RNF11: variants seen among roughly 807,000 people sequenced by gnomAD.
The protein encoded by RNF11 is ring finger protein 11.
A neutral mutation model predicts 15.8 loss-of-function variants in RNF11; 4 were observed. The ratio of observed to expected loss-of-function variants is 0.25; its 90% CI spans 0.12 to 0.58. The LOEUF (loss-of-function observed/expected upper bound fraction) is 0.58, where lower values mean the gene tolerates loss of function less well. Ranked by LOEUF, RNF11 falls within the 20% of genes least tolerant of loss-of-function variation. The pLI is 0.91. For synonymous variants in RNF11, 68 were observed against 72.3 expected, an observed-to-expected ratio of 0.94 and a Z score of 0.30; for missense variants, 139 against 194.4, an observed-to-expected ratio of 0.71 and a Z score of 1.70.
At chr1:51,269,634 A>T (rs1646969694) in intron 1 of RNF11, among the ~76,000 whole-genome samples, 1 of 152,172 alleles carries the variant, frequency 6.6e-6, no homozygotes, top group Admixed American at 6.5e-5. Context: ...AAAAAGTTTT[A>T]AAAATTATTT....
chr1:51,242,968 C>T (rs72896462), intron 1 of RNF11, among the ~76,000 whole-genome samples: 3,218 of 152,272 alleles, frequency 0.021, 95 homozygotes, highest in African/African-American at 0.065. Context: ...CTTCTTTATG[C>T]TCAAGAAGTT....
At chr1:51,265,344 CTG>C (rs1436150340) in intron 1 of RNF11, 4 of 149,966 alleles carry the variant, frequency 2.7e-5, no homozygotes, top group East Asian at 2.0e-4. Context: ...AAAAAAAAGA[CTG>C]TATCTTCTGT....
chr1:51,255,845 T>G (rs1646901974), intron 1 of RNF11, among the ~76,000 whole-genome samples: 1 of 152,352 alleles, frequency 6.6e-6, no homozygotes, highest in African/African-American at 2.4e-5. Flanking sequence ...GTCCTTAGGC[T>G]AGTACTGTAC....
chr1:51,247,046 A>T lies in RNF11; in HGVS notation c.123+10167A>T, dbSNP rs373547287. On this transcript the variant is annotated intron_variant, in intron 1 of 2. Transcript: ENST00000242719. Reference sequence around the variant, plus strand: ...GTTGATTCCTTACCAGTAACTTTTAATATTGAATTAACAAATATTTATGGT... The same window carrying T: ...GTTGATTCCTTACCAGTAACTTTTATTATTGAATTAACAAATATTTATGGT... 2.0e-4 allele frequency among the ~76,000 whole-genome samples: 31 copies of T among 152,148 alleles called. No homozygotes were observed. The East Asian group carries it at 5.4e-3, about 27-fold the overall frequency.
intron 1 of RNF11, among the ~76,000 whole-genome samples, chr1:51,238,214 C>G (rs963221807): frequency 9.2e-5 from 14 of 152,226 alleles, no homozygotes; most frequent in Admixed American, 2.6e-4. Context: ...GCTTTCATGT[C>G]TGAAGTCCCA....
chr1:51,238,162 C>T (rs1396453522), intron 1 of RNF11, among the ~76,000 whole-genome samples: 2 of 152,150 alleles, frequency 1.3e-5, no homozygotes, highest in African/African-American at 2.4e-5. Context: ...AGCCCTTCGC[C>T]CGGGTCAGCC....
intron 1 of RNF11, among the ~76,000 whole-genome samples, chr1:51,253,377 G>T (rs560659298): frequency 1.3e-3 from 201 of 152,114 alleles, no homozygotes; most frequent in South Asian, 3.9e-3. Flanking sequence ...ATATAAAAAA[G>T]TTAGGTGTGG....
At position 51,271,423 on chromosome 1, in the gene RNF11, CA is replaced by C. The variant is rs1276052330; in HGVS notation, c.*102del. The C allele has an allele frequency of 1.1e-5, 11 of 969,108 alleles. No individual in the cohort carries two copies. Among genetic ancestry groups the C allele is most frequent in the Middle Eastern group, 6.4e-4 (2 of 3,124 alleles). 60.0% of individuals were successfully genotyped at this position (969,108 alleles called of 1,614,324 possible). A position where few individuals can be genotyped will look rare whatever the true frequency, so the allele number is the denominator to read the frequency against. On this transcript the variant is annotated 3_prime_UTR_variant, in exon 3 of 3. Coordinates refer to ENST00000242719, the MANE Select transcript of RNF11 (RefSeq NM_014372.5). Reference sequence around the variant, plus strand: ...CCAGGGATTAGGAATTAAGATCGTGCACAAAAGTTTCCTTAAAATTCCTGGA... The same window carrying C: ...CCAGGGATTAGGAATTAAGATCGTGCCAAAAGTTTCCTTAAAATTCCTGGA...
intron 1 of RNF11, among the ~76,000 whole-genome samples, chr1:51,253,877 TA>T (rs1427497775): frequency 1.3e-5 from 2 of 152,120 alleles, no homozygotes. Context: ...CTCATGCCTG[TA>T]ATCCTAGCAC....
chr1:51,248,838 C>T (rs1054348962), intron 1 of RNF11, among the ~76,000 whole-genome samples: 4 of 152,116 alleles, frequency 2.6e-5, no homozygotes, highest in Non-Finnish European at 4.4e-5. Context: ...AAAAAGATAG[C>T]CTTCTGTATT....
At chr1:51,251,829 A>T (rs1005530319) in intron 1 of RNF11, among the ~76,000 whole-genome samples, 3 of 152,176 alleles carry the variant, frequency 2.0e-5, no homozygotes, top group Admixed American at 6.6e-5. Flanking sequence ...CTGTAATCTC[A>T]GCACTTTGGG....
chr1:51,236,742 C>T lies in RNF11; in HGVS notation c.-15C>T. On this transcript the variant is annotated 5_prime_UTR_variant, in exon 1 of 3. Coordinates refer to ENST00000242719, the MANE Select transcript of RNF11 (RefSeq NM_014372.5). ...GCTTTCTCCTCCCCCAGATCACGCA[C>T]CCCAGCTCCGGAAGATGGGGAACTG... 6.2e-7 allele frequency: 1 copy of T among 1,612,596 alleles called. No homozygotes were observed. The highest frequency in any genetic ancestry group is 8.5e-7 in the Non-Finnish European group (1 of 1,179,544).
At position 51,236,721 on chromosome 1, in the gene RNF11, T is replaced by C; in HGVS notation, c.-36T>C. Reference sequence around the variant, plus strand: ...TGTGCGAACGACCCCACCGCTGCTTTCTCCTCCCCCAGATCACGCACCCCA... The same window carrying C: ...TGTGCGAACGACCCCACCGCTGCTTCCTCCTCCCCCAGATCACGCACCCCA... On this transcript the variant is annotated 5_prime_UTR_variant, in exon 1 of 3. Transcript: ENST00000242719. 2 of 1,606,074 alleles carry C rather than the reference T, an allele frequency of 1.2e-6. No individual in the cohort carries two copies. The highest frequency in any genetic ancestry group is 1.7e-5 in the Admixed American group (1 of 59,092).
At chr1:51,236,940 G>C (rs1370132119) in intron 1 of RNF11, 61 bp downstream of exon 1, 1 of 1,544,744 alleles carries the variant, frequency 6.5e-7, no homozygotes, top group Non-Finnish European at 8.7e-7. Context: ...GATTGAGGGG[G>C]CTTCGGGGCC....
intron 1 of RNF11, among the ~76,000 whole-genome samples, chr1:51,242,161 A>C (rs1019495364): frequency 6.6e-6 from 1 of 152,202 alleles, no homozygotes; most frequent in Non-Finnish European, 1.5e-5. Context: ...CTGCTTTTAG[A>C]GTCAGATTGT....
chr1:51,245,823 GAAGGTAATACATA>G (rs1302483255), intron 1 of RNF11, among the ~76,000 whole-genome samples: 1 of 152,196 alleles, frequency 6.6e-6, no homozygotes, highest in African/African-American at 2.4e-5. Flanking sequence ...CTGAAGTAAG[GAAGGTAATACATA>G]AAAGACATAT....
In RNF11 at chr1:51,236,556, C is replaced by A. The variant is rs1050446948; in HGVS notation, c.-201C>A. 9.0e-6 allele frequency: 3 copies of A among 331,574 alleles called. No homozygotes were observed. Among genetic ancestry groups the A allele is most frequent in the South Asian group, 7.1e-5 (1 of 14,074 alleles). The allele number at this position is 331,574 out of a possible 1,614,324, so 20.5% of individuals were successfully genotyped here. ...CGAACGCCGCGACCCCAGCGGAGCC[C>A]GCGGCCCAGCCTTGATCCCCCAACC... On this transcript the variant is annotated 5_prime_UTR_variant, in exon 1 of 3. Transcript: ENST00000242719.
At position 51,236,414 on chromosome 1, in the gene RNF11, C is replaced by T. The variant is rs577428512; in HGVS notation, c.-343C>T. ...GGCAGCCGCGACGGCCGCGCCCCCC[C>T]CCGCTGACCTGGATTAGGCCCAGCA... On this transcript the variant is annotated 5_prime_UTR_variant, in exon 1 of 3. Transcript: ENST00000242719. 6.7e-3 allele frequency: 1,145 copies of T among 170,012 alleles called. 9 individuals carry two copies. Among genetic ancestry groups the T allele is most frequent in the Admixed American group, 9.7e-3 (152 of 15,710 alleles). 10.5% of individuals were successfully genotyped at this position (170,012 alleles called of 1,614,324 possible). A position where few individuals can be genotyped will look rare whatever the true frequency, so the allele number is the denominator to read the frequency against.
chr1:51,269,779 T>TA (rs1413763222), intron 1 of RNF11, 177 bp from the exon 2 acceptor site: 2 of 612,278 alleles, frequency 3.3e-6, no homozygotes, highest in Non-Finnish European at 5.8e-6. Context: ...TTGGTGTGTG[T>TA]ATGTTTTATT....
Sources: gnomAD v4.1 joint callset for allele counts (sites outside exome capture counted in the v4.1 genomes callset) on GRCh38, gnomAD v4.1.1 for gene constraint, MANE v1.5 for transcripts, NCBI Gene and HGNC (gene_info 2026-07-23, HGNC 2026-07-21) for gene names.